Variants in GRB2 observed in about 807,000 individuals in gnomAD.
GRB2 encodes the protein growth factor receptor bound protein 2.
In GRB2, 2 loss-of-function variants were observed where a neutral mutation model predicts 27.4. The ratio of observed to expected loss-of-function variants is 0.07; its 90% CI spans 0.03 to 0.23. The LOEUF (loss-of-function observed/expected upper bound fraction) is 0.23, where lower values mean the gene tolerates loss of function less well. Among genes scored for constraint, GRB2 ranks in the 10% least tolerant of loss-of-function variants. GRB2 has a pLI of 1.00. For missense variants in GRB2, 102 were observed against 282.4 expected (o/e 0.36, Z 4.58); for synonymous variants, 94 against 99.6 (o/e 0.94, Z 0.33).
At chr17:75,402,827 G>A (rs1429442928) in intron 1 of GRB2, among the ~76,000 whole-genome samples, 1 of 151,650 alleles carries the variant, frequency 6.6e-6, no homozygotes, top group Non-Finnish European at 1.5e-5. Context: ...TGTAATCCCA[G>A]CACTTTGGGA....
chr17:75,324,936 C>T (rs189930961), intron 4 of GRB2, among the ~76,000 whole-genome samples: 14 of 152,056 alleles, frequency 9.2e-5, no homozygotes, highest in Non-Finnish European at 1.5e-4. Flanking sequence ...ATAAGCCGGG[C>T]GTGGTGTCAG....
chr17:75,403,602 A>T (rs2079078283), intron 1 of GRB2, among the ~76,000 whole-genome samples: 1 of 151,758 alleles, frequency 6.6e-6, no homozygotes, highest in Non-Finnish European at 1.5e-5. Context: ...CTGTCTTTAC[A>T]AAAATACAAA....
chr17:75,352,775 T>C lies in GRB2; in HGVS notation c.79-19978A>G, dbSNP rs952359380. 1.2e-4 allele frequency among the ~76,000 whole-genome samples: 18 copies of C among 152,132 alleles called. 1 individual carries two copies. ...AATAAATCAATAATGATTAAGGCTA[T>C]CAACTCTGAACTGACTAGCACCAAA... On this transcript the variant is annotated intron_variant, in intron 2 of 5. Transcript: ENST00000316804.
chr17:75,333,747 C>A (rs1327493303), intron 2 of GRB2, among the ~76,000 whole-genome samples: 1 of 152,130 alleles, frequency 6.6e-6, no homozygotes, highest in Non-Finnish European at 1.5e-5. Context: ...TTCAATAACC[C>A]AAATGCCACA....
chr17:75,376,367 A>AAAAAT (rs1555612122), intron 2 of GRB2, among the ~76,000 whole-genome samples: 2 of 142,678 alleles, frequency 1.4e-5, no homozygotes, highest in Non-Finnish European at 3.1e-5. Flanking sequence ...AAAAAAAAAA[A>AAAAAT]TTTTTTAACC....
At chr17:75,372,098 AC>A (rs1252182110) in intron 2 of GRB2, 2 of 152,204 alleles carry the variant, frequency 1.3e-5, no homozygotes, top group Admixed American at 1.3e-4. Flanking sequence ...TGCTGTCTGC[AC>A]ATTTAGCTCG....
In GRB2 at chr17:75,382,750, C is replaced by A. The variant is rs1598249997; in HGVS notation, c.78+10801G>T. Among the ~76,000 whole-genome samples the A allele has an allele frequency of 3.3e-5, 5 of 152,004 alleles. No homozygotes were observed. In the South Asian group the frequency reaches 1.0e-3, roughly 32 times the overall value. ...TTTAGACGGAGTCTTGTGCTGTTGC[C>A]CAGGCTAGAGTGCGGTGGCACTATC... is the stretch of plus-strand genomic sequence containing the variant. On this transcript the variant is annotated intron_variant, in intron 2 of 5. Transcript: ENST00000316804.
chr17:75,348,555 CAG>C (rs2078668688), intron 2 of GRB2, among the ~76,000 whole-genome samples: 1 of 152,076 alleles, frequency 6.6e-6, no homozygotes, highest in African/African-American at 2.4e-5. Context: ...TCCCTGCCCT[CAG>C]AAGTGTTTAT....
At chr17:75,353,390 C>T (rs1298447711) in intron 2 of GRB2, among the ~76,000 whole-genome samples, 3 of 152,002 alleles carry the variant, frequency 2.0e-5, no homozygotes, top group Non-Finnish European at 4.4e-5. Context: ...CAGCTCAAAC[C>T]TCTGTTGCTC....
At chr17:75,352,311 C>T (rs1157043376) in intron 2 of GRB2, among the ~76,000 whole-genome samples, 1 of 152,210 alleles carries the variant, frequency 6.6e-6, no homozygotes, top group Non-Finnish European at 1.5e-5. Flanking sequence ...CTACACGCTG[C>T]TCCATGTGAA....
At chr17:75,372,634 T>C (rs2078863349) in intron 2 of GRB2, 1 of 152,236 alleles carries the variant, frequency 6.6e-6, no homozygotes, top group Non-Finnish European at 1.5e-5. Flanking sequence ...ATATGTCCTA[T>C]ATCTGTACTG....
rs920473267 is a variant in GRB2, at chr17:75,402,993, C to T, written c.-138+2496G>A. ...GCGAGGCTGAGGCAGAAGAATTGCC[C>T]GAACCCAGGAGGTGGAAGTTGTGGT... On this transcript the variant is annotated intron_variant, in intron 1 of 5. Transcript: ENST00000316804. 6.1e-5 allele frequency among the ~76,000 whole-genome samples: 8 copies of T among 132,140 alleles called. No individual in the cohort carries two copies. In the East Asian group the frequency reaches 1.5e-3, roughly 24 times the overall value. 86.7% of individuals were successfully genotyped at this position (132,140 alleles called of 152,430 possible). A position where few individuals can be genotyped will look rare whatever the true frequency, so the allele number is the denominator to read the frequency against.
chr17:75,383,618 C>T (rs1000032693), intron 2 of GRB2, among the ~76,000 whole-genome samples: 6 of 151,998 alleles, frequency 3.9e-5, no homozygotes, highest in African/African-American at 1.4e-4. Context: ...CTGAGGCAGG[C>T]GGATCACAAG....
intron 4 of GRB2, 51 bp downstream of exon 4, chr17:75,325,845 ATT>A: frequency 6.2e-7 from 1 of 1,601,396 alleles, no homozygotes; most frequent in Non-Finnish European, 8.5e-7. Context: ...CGGCTTCACA[ATT>A]TGGATCAGTC....
rs2078444966 is a variant in GRB2, at chr17:75,319,734, C to A, written c.*634G>T. The A allele has an allele frequency of 2.0e-5, 3 of 152,362 alleles. No homozygotes were observed. Among genetic ancestry groups the A allele is most frequent in the Admixed American group, 1.3e-4 (2 of 15,272 alleles). 9.4% of individuals were successfully genotyped at this position (152,362 alleles called of 1,614,324 possible). A position where few individuals can be genotyped will look rare whatever the true frequency, so the allele number is the denominator to read the frequency against. On this transcript the variant is annotated 3_prime_UTR_variant, in exon 6 of 6. Coordinates refer to ENST00000316804, the MANE Select transcript of GRB2 (RefSeq NM_002086.5). ...GGATTACAGGCGTGAGCCACCGCGC[C>A]CAGCCCAGGTGGGCTTTCTCAGGAA...
chr17:75,405,248 C>T (rs957671256), intron 1 of GRB2: 2 of 152,366 alleles, frequency 1.3e-5, no homozygotes, highest in African/African-American at 4.8e-5. Context: ...CCAGAGAACC[C>T]CGACCTCTTC....
intron 2 of GRB2, among the ~76,000 whole-genome samples, chr17:75,364,702 T>A (rs2078808459): frequency 1.3e-5 from 2 of 152,066 alleles, no homozygotes; most frequent in Admixed American, 1.3e-4. Flanking sequence ...GTTGTCTATT[T>A]TCTGCAGCTG....
chr17:75,367,479 T>TA (rs879380684), intron 2 of GRB2, among the ~76,000 whole-genome samples: 2 of 152,176 alleles, frequency 1.3e-5, no homozygotes, highest in African/African-American at 2.4e-5. Flanking sequence ...GCTGGGCCGT[T>TA]ACCCTCTTTT....
At chr17:75,337,870 A>T (rs2164243) in intron 2 of GRB2, among the ~76,000 whole-genome samples, 48,239 of 93,514 alleles carry the variant, frequency 0.52, 14,792 homozygotes, top group East Asian at 0.82. Context: ...CCGGCCTACT[A>T]TTACTACTAC....
Sources: allele counts gnomAD v4.1 joint callset (sites outside exome capture counted in the v4.1 genomes callset), GRCh38; gene constraint gnomAD v4.1.1; transcripts MANE v1.5; gene names NCBI Gene and HGNC (gene_info 2026-07-23, HGNC 2026-07-21).